The following MAGI2 variants were observed in gnomAD, a reference collection of about 807,000 sequenced individuals.
MAGI2 encodes the protein membrane associated guanylate kinase, WW and PDZ domain containing 2, also known as membrane-associated guanylate kinase, WW and PDZ domain-containing protein 2.
In MAGI2, 35 loss-of-function variants were observed where a neutral mutation model predicts 133.3. That is an observed-to-expected ratio of 0.26 (90% confidence interval 0.20 to 0.35). The LOEUF is 0.35. Among genes scored for constraint, MAGI2 ranks in the 10% least tolerant of loss-of-function variants. The pLI, the probability that MAGI2 is intolerant of heterozygous loss-of-function variation, is 1.00. For synonymous variants in MAGI2, 729 were observed against 710.6 expected (o/e 1.03, Z -0.41); for missense variants, 1,636 against 1,863.4 (o/e 0.88, Z 2.25).
At chr7:78,318,880 A>G (rs906823056) in intron 9 of MAGI2, among the ~76,000 whole-genome samples, 7 of 152,216 alleles carry the variant, frequency 4.6e-5, no homozygotes, top group African/African-American at 1.7e-4. Flanking sequence ...TTCATAAGTG[A>G]AGGAGAAATA....
intron 6 of MAGI2, among the ~76,000 whole-genome samples, chr7:78,452,353 G>A (rs948357688): frequency 1.3e-5 from 2 of 151,892 alleles, no homozygotes; most frequent in African/African-American, 4.8e-5. Context: ...GTGATAGTAG[G>A]AGCAATGCAT....
intron 9 of MAGI2, among the ~76,000 whole-genome samples, chr7:78,277,701 A>AC (rs1255584991): frequency 1.1e-4 from 17 of 152,316 alleles, no homozygotes; most frequent in African/African-American, 3.6e-4. Flanking sequence ...CAACAGTAGA[A>AC]CATCAGATTG....
At chr7:79,063,581 T>C (rs540032626) in intron 1 of MAGI2, among the ~76,000 whole-genome samples, 1 of 152,192 alleles carries the variant, frequency 6.6e-6, no homozygotes, top group South Asian at 2.1e-4. Flanking sequence ...GGCAAAGGCA[T>C]GGTTTTATTA....
chr7:78,934,226 T>G lies in MAGI2; in HGVS notation c.418+72864A>C, dbSNP rs1584436649. On this transcript the variant is annotated intron_variant, in intron 2 of 21. Coordinates refer to ENST00000354212, the MANE Select transcript of MAGI2 (RefSeq NM_012301.4). ...AAGCAATTCTCCTGCCTCAGCCTCC[T>G]GAGTAGTTGGGATTACAGGTGCCTG... 3.3e-5 allele frequency among the ~76,000 whole-genome samples: 5 copies of G among 152,166 alleles called. No homozygotes were observed. In the South Asian group the frequency reaches 1.0e-3, roughly 32 times the overall value.
At chr7:78,880,164 A>T (rs975982652) in intron 2 of MAGI2, among the ~76,000 whole-genome samples, 1 of 152,202 alleles carries the variant, frequency 6.6e-6, no homozygotes, top group African/African-American at 2.4e-5. Flanking sequence ...GAACTAATCC[A>T]ATAAAATGTT....
At chr7:78,720,235 T>C (rs1820132527) in intron 2 of MAGI2, among the ~76,000 whole-genome samples, 2 of 152,148 alleles carry the variant, frequency 1.3e-5, no homozygotes, top group South Asian at 2.1e-4. Context: ...CTGATAAGTA[T>C]GACTTTGTTT....
intron 1 of MAGI2, among the ~76,000 whole-genome samples, chr7:79,130,407 C>T (rs1291977342): frequency 6.6e-6 from 1 of 152,054 alleles, no homozygotes; most frequent in African/African-American, 2.4e-5. Flanking sequence ...TTCTAAGAAA[C>T]CTGAAGAATG....
chr7:78,802,729 C>T (rs1014356517), intron 2 of MAGI2, among the ~76,000 whole-genome samples: 1 of 151,916 alleles, frequency 6.6e-6, no homozygotes. Flanking sequence ...ATTGAATGTA[C>T]AGTATTAAAA....
chr7:78,605,460 T>C (rs1387684435), intron 3 of MAGI2, among the ~76,000 whole-genome samples: 1 of 152,222 alleles, frequency 6.6e-6, no homozygotes, highest in Non-Finnish European at 1.5e-5. Flanking sequence ...ATGAAATCTG[T>C]AATATAACCA....
chr7:78,343,166 G>A (rs778693768), intron 9 of MAGI2, among the ~76,000 whole-genome samples: 31 of 152,028 alleles, frequency 2.0e-4, no homozygotes, highest in Non-Finnish European at 4.0e-4. Context: ...TGTAATTTTT[G>A]TATTTTATAT....
At chr7:79,403,342 T>C (rs1845596208) in intron 1 of MAGI2, among the ~76,000 whole-genome samples, 1 of 152,178 alleles carries the variant, frequency 6.6e-6, no homozygotes, top group Non-Finnish European at 1.5e-5. Context: ...TGACTCAATA[T>C]ATCAGCTGTT....
intron 10 of MAGI2, chr7:78,253,781 C>G (rs1792678007): frequency 6.6e-6 from 1 of 152,054 alleles, no homozygotes; most frequent in Non-Finnish European, 1.5e-5. Context: ...ATTAAAAACT[C>G]TAGTAAATAA....
chr7:78,565,282 C>T (rs919405477), intron 3 of MAGI2, among the ~76,000 whole-genome samples: 11 of 151,734 alleles, frequency 7.2e-5, no homozygotes, highest in South Asian at 2.1e-4. Context: ...GGCAAAATAG[C>T]GAGACCCTGT....
intron 1 of MAGI2, among the ~76,000 whole-genome samples, chr7:79,434,503 G>A (rs1475338990): frequency 3.3e-5 from 5 of 152,156 alleles, no homozygotes; most frequent in Non-Finnish European, 7.4e-5. Flanking sequence ...GCATCGTTAT[G>A]CCTGATTTTG....
intron 2 of MAGI2, among the ~76,000 whole-genome samples, chr7:78,709,034 T>C (rs1818919408): frequency 1.3e-5 from 2 of 152,248 alleles, no homozygotes; most frequent in South Asian, 4.1e-4. Context: ...TCACTTGTAC[T>C]TCTGCAAAAG....
chr7:79,347,461 A>AT (rs11348137), intron 1 of MAGI2, among the ~76,000 whole-genome samples: 2,206 of 150,164 alleles, frequency 0.015, 51 homozygotes, highest in African/African-American at 0.05. Flanking sequence ...ATCTTAAGCA[A>AT]TTTTTTTTTT....
At chr7:79,136,367 C>T (rs1219686152) in intron 1 of MAGI2, among the ~76,000 whole-genome samples, 1 of 152,166 alleles carries the variant, frequency 6.6e-6, no homozygotes, top group African/African-American at 2.4e-5. Flanking sequence ...CCTCATTTGC[C>T]ATAATTTTGC....
At chr7:78,567,456 C>T (rs1160370598) in intron 3 of MAGI2, among the ~76,000 whole-genome samples, 1 of 152,042 alleles carries the variant, frequency 6.6e-6, no homozygotes, top group Non-Finnish European at 1.5e-5. Context: ...CTTTTTTTCT[C>T]TCACACAGAC....
chr7:79,447,368 A>C (rs1256593796), intron 1 of MAGI2, among the ~76,000 whole-genome samples: 2 of 152,160 alleles, frequency 1.3e-5, no homozygotes, highest in Non-Finnish European at 2.9e-5. Flanking sequence ...AGAATGGAGT[A>C]AGTAATAATA....
Sources: gnomAD v4.1 joint callset for allele counts (sites outside exome capture counted in the v4.1 genomes callset) on GRCh38, gnomAD v4.1.1 for gene constraint, MANE v1.5 for transcripts, NCBI Gene and HGNC (gene_info 2026-07-23, HGNC 2026-07-21) for gene names.